Variants in GFRA2 observed in about 807,000 individuals in gnomAD.
GFRA2 encodes GDNF family receptor alpha 2.
Under a neutral mutation model 48.3 loss-of-function variants are expected in GFRA2, and 17 were observed. The ratio of observed to expected loss-of-function variants is 0.35; its 90% CI spans 0.24 to 0.53. GFRA2 has a LOEUF of 0.53. Among genes scored for constraint, GFRA2 ranks in the 20% least tolerant of loss-of-function variants. GFRA2 has a pLI of 0.93. For synonymous variants in GFRA2, 305 were observed against 257.2 expected, an observed-to-expected ratio of 1.19 and a Z score of -1.78; for missense variants, 660 against 637.3, an observed-to-expected ratio of 1.04 and a Z score of -0.38.
intron 7 of GFRA2, among the ~76,000 whole-genome samples, chr8:21,702,489 G>A (rs557718144): frequency 3.3e-5 from 5 of 152,276 alleles, no homozygotes; most frequent in Admixed American, 6.5e-5. Context: ...CCACTCAGAC[G>A]GGTGCCTCAC....
rs531507245 is a variant in GFRA2 at position 21,750,088 on chromosome 8, T to TACACACACACACACACACACAC, written c.794+478_794+499dup. 1.4e-5 allele frequency among the ~76,000 whole-genome samples: 2 copies of TACACACACACACACACACACAC among 147,498 alleles called. No individual in the cohort carries two copies. The highest frequency in any genetic ancestry group is 3.0e-5 in the Non-Finnish European group (2 of 66,504). ...GTGTATATATGTGTGTGTGTGTGTA[T>TACACACACACACACACACACAC]ACACACACACACACACACACACGCA... is the stretch of plus-strand genomic sequence containing the variant. On this transcript the variant is annotated intron_variant, in intron 4 of 8. Transcript: ENST00000524240. This position sits in a 1 kb window ranked among gnomAD's most constrained non-coding sequence, Gnocchi z 5.7.
chr8:21,794,846 T>C (rs1291297729), intron 2 of GFRA2, among the ~76,000 whole-genome samples: 2 of 152,124 alleles, frequency 1.3e-5, no homozygotes, highest in Non-Finnish European at 2.9e-5. Flanking sequence ...AAATAAACCA[T>C]CTGATCCCAA....
chr8:21,752,232 T>C (rs540080277), intron 3 of GFRA2, among the ~76,000 whole-genome samples: 1 of 152,148 alleles, frequency 6.6e-6, no homozygotes, highest in South Asian at 2.1e-4. Context: ...CACTCCATTT[T>C]TCTGCTCCCC....
chr8:21,698,915 T>C (rs1802339239), intron 7 of GFRA2, among the ~76,000 whole-genome samples: 1 of 152,108 alleles, frequency 6.6e-6, no homozygotes, highest in South Asian at 2.1e-4. Flanking sequence ...ATTCTCCCGA[T>C]TCTTTTCAGG....
Position 21,788,822 on chromosome 8 carries a change from T to G in GFRA2, c.-663A>C. The G allele has an allele frequency of 1.0e-6, 1 of 977,184 alleles. No homozygotes were observed. Among genetic ancestry groups the G allele is most frequent in the South Asian group, 4.7e-5 (1 of 21,140 alleles). The allele number at this position is 977,184 out of a possible 1,614,324, so 60.5% of individuals were successfully genotyped here. A position where few individuals can be genotyped will look rare whatever the true frequency, so the allele number is the denominator to read the frequency against. On this transcript the variant is annotated 5_prime_UTR_variant, in exon 1 of 9. Transcript: ENST00000524240. ...CGTGCGTGTGTCTTTCTCTCTCCTCTCTCTCTCTCTCCTCTCCCTCGCTCG... is the reference window on the plus strand; with the variant it reads ...CGTGCGTGTGTCTTTCTCTCTCCTCGCTCTCTCTCTCCTCTCCCTCGCTCG...
chr8:21,734,535 T>C (rs1394454207), intron 4 of GFRA2, among the ~76,000 whole-genome samples: 1 of 124,164 alleles, frequency 8.1e-6, no homozygotes, highest in Non-Finnish European at 1.9e-5. Flanking sequence ...CTGGACAGAT[T>C]TGATTCTGTC....
At chr8:21,726,887 G>C (rs532959004) in intron 4 of GFRA2, among the ~76,000 whole-genome samples, 3 of 151,724 alleles carry the variant, frequency 2.0e-5, no homozygotes, top group Admixed American at 2.0e-4. Context: ...CAAGTAGCTG[G>C]GACTACAAGC....
rs1004979713 is a variant in GFRA2, at chr8:21,767,666, C to T, written c.439+7306G>A. Among the ~76,000 whole-genome samples the T allele has an allele frequency of 3.3e-5, 5 of 152,314 alleles. No homozygotes were observed. The South Asian group carries it at 1.0e-3, about 32-fold the overall frequency. On this transcript the variant is annotated intron_variant, in intron 3 of 8. Coordinates refer to ENST00000524240, the MANE Select transcript of GFRA2 (RefSeq NM_001495.5). ...CCACTGGCAGAGCCTGCCTCACACA[C>T]GGAAGGAGAAGCAGGCAGGTGGCTC...
At position 21,709,596 on chromosome 8, in the gene GFRA2, TG is replaced by T. The variant is rs145284361; in HGVS notation, c.795-3556del. Among the ~76,000 whole-genome samples, 1,330 of 152,196 alleles carry T rather than the reference TG, an allele frequency of 8.7e-3. 11 individuals are homozygous for T. Among genetic ancestry groups the T allele is most frequent in the Non-Finnish European group, 0.015 (1,021 of 67,998 alleles). Reference sequence around the variant, plus strand: ...AGCTAAGGGGCCGGGGTAGTGTGCCTGGGGGCCAGGGACTGGGGCAGTGGGA... The same window carrying T: ...AGCTAAGGGGCCGGGGTAGTGTGCCTGGGGCCAGGGACTGGGGCAGTGGGA... On this transcript the variant is annotated intron_variant, in intron 4 of 8. Coordinates refer to ENST00000524240, the MANE Select transcript of GFRA2 (RefSeq NM_001495.5).
intron 2 of GFRA2, among the ~76,000 whole-genome samples, chr8:21,794,103 C>T (rs1448533020): frequency 6.6e-6 from 1 of 152,060 alleles, no homozygotes; most frequent in Non-Finnish European, 1.5e-5. Context: ...ATCCTCCTGC[C>T]TCAGCCTGGC....
chr8:21,810,719 G>A (rs1392096756), intron 1 of GFRA2, among the ~76,000 whole-genome samples: 1 of 152,152 alleles, frequency 6.6e-6, no homozygotes, highest in East Asian at 1.9e-4. Flanking sequence ...AATTCTCAGG[G>A]ACTCTATGGA....
intron 8 of GFRA2, 27 bp downstream of exon 8, chr8:21,694,437 C>T: frequency 3.7e-6 from 6 of 1,606,756 alleles, no homozygotes; most frequent in Non-Finnish European, 4.2e-6. Context: ...GCCTTCTGCA[C>T]CCATCCCCAC....
intron 1 of GFRA2, among the ~76,000 whole-genome samples, chr8:21,806,017 G>A (rs1020963794): frequency 2.6e-5 from 4 of 152,170 alleles, no homozygotes; most frequent in Non-Finnish European, 5.9e-5. Flanking sequence ...AGGGATGGGC[G>A]CCTCTGGTAA....
At chr8:21,790,400 A>G (rs1027194868), upstream of GFRA2, among the ~76,000 whole-genome samples, 2 of 152,240 alleles carry the variant, frequency 1.3e-5, no homozygotes, top group Non-Finnish European at 2.9e-5. Context: ...ATGCATTCTT[A>G]AATAACAAGA....
chr8:21,808,085 C>T (rs1172097983), intron 1 of GFRA2, among the ~76,000 whole-genome samples: 1 of 152,210 alleles, frequency 6.6e-6, no homozygotes, highest in Admixed American at 6.5e-5. Flanking sequence ...ATAACACCTT[C>T]TCACTCCACA....
chr8:21,785,553 G>A (rs1234363732), intron 1 of GFRA2, among the ~76,000 whole-genome samples: 13 of 152,212 alleles, frequency 8.5e-5, no homozygotes. Flanking sequence ...GGGAGTAGCT[G>A]CTAGAGACAC....
chr8:21,713,027 A>T (rs1472772187), intron 4 of GFRA2, among the ~76,000 whole-genome samples: 1 of 145,064 alleles, frequency 6.9e-6, no homozygotes, highest in Non-Finnish European at 1.5e-5. Flanking sequence ...AGGGAGAGGG[A>T]GAGGGAGACG....
chr8:21,738,787 C>T (rs1281686414), intron 4 of GFRA2, among the ~76,000 whole-genome samples: 1 of 152,170 alleles, frequency 6.6e-6, no homozygotes, highest in Admixed American at 6.5e-5. Context: ...GGGCCGGCCC[C>T]GCATGTGACA....
intron 4 of GFRA2, among the ~76,000 whole-genome samples, chr8:21,746,514 G>A (rs1342428402): frequency 6.6e-6 from 1 of 152,108 alleles, no homozygotes; most frequent in South Asian, 2.1e-4. Context: ...TCCTACTCAG[G>A]ATCCCAGGCC....
Sources: gnomAD v4.1 joint callset for allele counts (sites outside exome capture counted in the v4.1 genomes callset) on GRCh38, gnomAD v4.1.1 for gene constraint, Gnocchi (gnomAD v3.1) non-coding constraint, MANE v1.5 for transcripts, NCBI Gene and HGNC (gene_info 2026-07-23, HGNC 2026-07-21) for gene names.